Variants in ZDHHC2 observed in about 807,000 individuals in gnomAD.
ZDHHC2 encodes zDHHC palmitoyltransferase 2.
A neutral mutation model predicts 55.6 loss-of-function variants in ZDHHC2; 51 were observed. The observed-to-expected ratio is 0.92, with a 90% CI of 0.73 to 1.16. ZDHHC2 has a LOEUF of 1.16. Among genes scored for constraint, ZDHHC2 ranks in the 50% most tolerant of loss-of-function variants. ZDHHC2 has a pLI of 0.00. For synonymous variants in ZDHHC2, 199 were observed against 152.9 expected (o/e 1.30, Z -2.22); for missense variants, 491 against 442.4 (o/e 1.11, Z -0.99).
intron 1 of ZDHHC2, among the ~76,000 whole-genome samples, chr8:17,182,906 G>A (rs371201716): frequency 3.3e-5 from 5 of 152,156 alleles, no homozygotes; most frequent in East Asian, 3.9e-4. Context: ...GATTACAGGC[G>A]CGTGTCACCA....
At chr8:17,198,689 A>G (rs911273128) in intron 6 of ZDHHC2, among the ~76,000 whole-genome samples, 1 of 152,232 alleles carries the variant, frequency 6.6e-6, no homozygotes, top group Non-Finnish European at 1.5e-5. Flanking sequence ...ATGTGCATGA[A>G]CAGAGATTCC....
chr8:17,186,336 T>A lies in ZDHHC2; in HGVS notation c.163T>A (p.Cys55Ser), dbSNP rs533859865. The change falls in exon 3 of 13, where the codon TGC becomes AGC. Residue 55 changes from cysteine to serine, a missense_variant. By Grantham distance (112) the Cys-to-Ser change is moderately radical (BLOSUM62 -1). Transcript: ENST00000262096. ...TTATGTTTTTCTCATTTTAGTTGTG[T>A]GCCTGATGGCCTATCATCTACTTTT... ...SMENTGEQVV[C>S]LMAYHLLFAM... is the part of the protein sequence containing the mutation. 1 of 1,593,134 alleles carries A rather than the reference T, an allele frequency of 6.3e-7. No individual in the cohort carries two copies. Among genetic ancestry groups the A allele is most frequent in the Non-Finnish European group, 8.5e-7 (1 of 1,170,062 alleles).
Position 17,221,404 on chromosome 8 carries a change from T to A in ZDHHC2, c.*1183T>A, listed in dbSNP as rs1265816133. 4.6e-5 allele frequency: 7 copies of A among 152,638 alleles called. No homozygotes were observed. Among genetic ancestry groups the A allele is most frequent in the Non-Finnish European group, 1.0e-4 (7 of 67,952 alleles). 9.5% of individuals were successfully genotyped at this position (152,638 alleles called of 1,614,324 possible). A position where few individuals can be genotyped will look rare whatever the true frequency, so the allele number is the denominator to read the frequency against. ...TGCACTATTTAAAAAAAGTTTTTTT[T>A]ATTTGAGTCCAGTATAATTCATGTA... On this transcript the variant is annotated 3_prime_UTR_variant, in exon 13 of 13. Coordinates refer to ENST00000262096, the MANE Select transcript of ZDHHC2 (RefSeq NM_016353.5).
chr8:17,194,771 A>G (rs1806219525), intron 3 of ZDHHC2, among the ~76,000 whole-genome samples: 1 of 152,138 alleles, frequency 6.6e-6, no homozygotes, highest in Non-Finnish European at 1.5e-5. Context: ...ACTCCAATTT[A>G]TCCATCATCC....
intron 3 of ZDHHC2, among the ~76,000 whole-genome samples, chr8:17,189,275 A>G (rs973291147): frequency 1.3e-5 from 2 of 151,864 alleles, no homozygotes; most frequent in African/African-American, 2.4e-5. Context: ...TGATGACTCA[A>G]CATAGAATAG....
intron 1 of ZDHHC2, among the ~76,000 whole-genome samples, chr8:17,175,821 A>G (rs1805099448): frequency 6.6e-6 from 1 of 152,240 alleles, no homozygotes; most frequent in Admixed American, 6.5e-5. Flanking sequence ...GTCTGACTAG[A>G]CAGGAAAAGC....
At chr8:17,173,556 A>T (rs1045952211) in intron 1 of ZDHHC2, among the ~76,000 whole-genome samples, 1 of 151,872 alleles carries the variant, frequency 6.6e-6, no homozygotes, top group African/African-American at 2.4e-5. Context: ...GGTGGCACGC[A>T]TCTGTGGTCC....
chr8:17,182,212 A>G (rs896860166), intron 1 of ZDHHC2, among the ~76,000 whole-genome samples: 23 of 152,194 alleles, frequency 1.5e-4, no homozygotes, highest in Admixed American at 1.2e-3. Context: ...AGCTATATGC[A>G]GTTTTATTTG....
intron 1 of ZDHHC2, among the ~76,000 whole-genome samples, chr8:17,163,279 C>T (rs1273989981): frequency 6.6e-6 from 1 of 152,174 alleles, no homozygotes; most frequent in Admixed American, 6.5e-5. Flanking sequence ...AGCCTGGTAA[C>T]AGCGGGTCCA....
intron 12 of ZDHHC2, among the ~76,000 whole-genome samples, chr8:17,219,250 T>C (rs1420536197): frequency 5.2e-4 from 8 of 15,496 alleles, no homozygotes; most frequent in Non-Finnish European, 7.8e-4. Context: ...AGAGCAAGAC[T>C]CTAAAAAAAA....
intron 6 of ZDHHC2, among the ~76,000 whole-genome samples, chr8:17,199,851 C>A (rs1806650975): frequency 1.3e-5 from 2 of 151,354 alleles, no homozygotes; most frequent in Admixed American, 6.6e-5. Flanking sequence ...CCTCTGCCTC[C>A]CGGGTTCAAG....
intron 3 of ZDHHC2, among the ~76,000 whole-genome samples, chr8:17,192,201 G>A (rs1344429194): frequency 1.3e-5 from 2 of 152,098 alleles, no homozygotes; most frequent in Non-Finnish European, 2.9e-5. Flanking sequence ...GCCTAGGCTG[G>A]CCTCAGACTC....
chr8:17,188,575 A>T (rs1805849669), intron 3 of ZDHHC2, among the ~76,000 whole-genome samples: 1 of 152,090 alleles, frequency 6.6e-6, no homozygotes, highest in East Asian at 1.9e-4. Context: ...CAGCTCCTAG[A>T]CTGCCAAAGC....
chr8:17,211,287 A>G (rs1266167991), intron 10 of ZDHHC2, among the ~76,000 whole-genome samples: 7 of 151,830 alleles, frequency 4.6e-5, no homozygotes, highest in African/African-American at 1.7e-4. Context: ...TAACCATAAT[A>G]TCATTCTTCA....
intron 10 of ZDHHC2, among the ~76,000 whole-genome samples, chr8:17,211,592 C>T (rs1483809898): frequency 3.3e-5 from 5 of 152,042 alleles, no homozygotes; most frequent in South Asian, 2.1e-4. Flanking sequence ...CAGGATCAAG[C>T]GATCCTCCTG....
At position 17,217,790 on chromosome 8, in the gene ZDHHC2, AT is replaced by A. The variant is rs1175310507; in HGVS notation, c.*34+553del. ...TTCCAAATCATTTTCTTTAAGCCTT[AT>A]TTTTTTTTAAACCTGCAGTTCCAAA... On this transcript the variant is annotated intron_variant, in intron 12 of 12. Coordinates refer to ENST00000262096, the MANE Select transcript of ZDHHC2 (RefSeq NM_016353.5). 4.6e-5 allele frequency among the ~76,000 whole-genome samples: 7 copies of A among 151,146 alleles called. No homozygotes were observed. The South Asian group carries it at 6.3e-4, about 14-fold the overall frequency.
At chr8:17,213,580 T>C (rs1807492926) in intron 10 of ZDHHC2, among the ~76,000 whole-genome samples, 1 of 152,154 alleles carries the variant, frequency 6.6e-6, no homozygotes, top group Admixed American at 6.6e-5. Context: ...ATAGCTCTTA[T>C]TATCACCTGA....
chr8:17,159,884 C>T (rs1473419642), intron 1 of ZDHHC2, among the ~76,000 whole-genome samples: 1 of 152,318 alleles, frequency 6.6e-6, no homozygotes, highest in African/African-American at 2.4e-5. Context: ...TTTTCCCTCT[C>T]CCCTGTCCCT....
intron 1 of ZDHHC2, among the ~76,000 whole-genome samples, chr8:17,163,301 T>C (rs1021093557): frequency 6.6e-6 from 1 of 152,186 alleles, no homozygotes; most frequent in African/African-American, 2.4e-5. Flanking sequence ...TGTTCCAGCC[T>C]GGGCAGTGTC....
Sources: gnomAD v4.1 joint callset for allele counts (sites outside exome capture counted in the v4.1 genomes callset) on GRCh38, gnomAD v4.1.1 for gene constraint, MANE v1.5 for transcripts, NCBI Gene and HGNC (gene_info 2026-07-23, HGNC 2026-07-21) for gene names.